The following KCNH7 variants were observed in gnomAD, a reference collection of about 807,000 sequenced individuals.
The protein encoded by KCNH7 is voltage-gated inwardly rectifying potassium channel KCNH7.
In KCNH7, 49 loss-of-function variants were observed where a neutral mutation model predicts 120.8. That is an observed-to-expected ratio of 0.41 (90% CI 0.32 to 0.51). The LOEUF (loss-of-function observed/expected upper bound fraction) is 0.51, where lower values mean the gene tolerates loss of function less well. Among genes scored for constraint, KCNH7 ranks in the 20% least tolerant of loss-of-function variants. KCNH7 has a pLI of 0.38. For missense variants in KCNH7, 1,097 were observed against 1,446.6 expected, an observed-to-expected ratio of 0.76 and a Z score of 3.92; for synonymous variants, 547 against 516.1, an observed-to-expected ratio of 1.06 and a Z score of -0.81.
rs8179659 is a variant in KCNH7 at position 162,697,189 on chromosome 2, C to T, written c.307+139348G>A. Among the ~76,000 whole-genome samples, 1,352 of 152,138 alleles carry T rather than the reference C, an allele frequency of 8.9e-3. 34 individuals are homozygous for T. The East Asian group carries it at 0.11, about 13-fold the overall frequency. ...TTATATCCCTCCTGAGAAAAGAATACACCACCACCCATAATTTTGCCAGAG... is the reference window on the plus strand; with the variant it reads ...TTATATCCCTCCTGAGAAAAGAATATACCACCACCCATAATTTTGCCAGAG... On this transcript the variant is annotated intron_variant, in intron 2 of 15. Transcript: ENST00000332142.
intron 2 of KCNH7, among the ~76,000 whole-genome samples, chr2:162,807,772 TCC>T (rs76691946): frequency 0.029 from 4,441 of 152,154 alleles, 99 homozygotes; most frequent in South Asian, 0.085. Flanking sequence ...AACCTCCGCC[TCC>T]CAGGTTCAAG....
At chr2:162,479,433 T>C (rs1193965951) in intron 6 of KCNH7, among the ~76,000 whole-genome samples, 5 of 152,188 alleles carry the variant, frequency 3.3e-5, no homozygotes, top group Admixed American at 2.6e-4. Flanking sequence ...GAACAAATGA[T>C]CAGTACCCAA....
At chr2:162,723,240 C>A (rs1189085766) in intron 2 of KCNH7, among the ~76,000 whole-genome samples, 2 of 152,016 alleles carry the variant, frequency 1.3e-5, no homozygotes, top group Non-Finnish European at 2.9e-5. Context: ...AAAAAAACCA[C>A]CTTTCCTGGT....
At chr2:162,567,501 T>G (rs1446057365) in intron 2 of KCNH7, among the ~76,000 whole-genome samples, 1 of 151,990 alleles carries the variant, frequency 6.6e-6, no homozygotes, top group Admixed American at 6.6e-5. Flanking sequence ...ATTTGCATTT[T>G]TCCCCCCACA....
chr2:162,543,442 T>C (rs2105841462), intron 2 of KCNH7, among the ~76,000 whole-genome samples: 2 of 152,238 alleles, frequency 1.3e-5, no homozygotes, highest in Middle Eastern at 6.8e-3. Flanking sequence ...TATATTTACC[T>C]GTCATTTAAA....
chr2:162,587,292 A>C (rs771510496), intron 2 of KCNH7, among the ~76,000 whole-genome samples: 1 of 152,108 alleles, frequency 6.6e-6, no homozygotes, highest in Non-Finnish European at 1.5e-5. Flanking sequence ...GGAAATTGTC[A>C]TGGGAATATT....
At chr2:162,770,181 C>T in intron 2 of KCNH7, among the ~76,000 whole-genome samples, 1 of 151,680 alleles carries the variant, frequency 6.6e-6, no homozygotes, top group East Asian at 1.9e-4. Flanking sequence ...CCACTCATCC[C>T]TTTACTTTAT....
chr2:162,734,637 T>G (rs1687838132), intron 2 of KCNH7, among the ~76,000 whole-genome samples: 1 of 152,068 alleles, frequency 6.6e-6, no homozygotes, highest in Non-Finnish European at 1.5e-5. Flanking sequence ...AAACAAAAAT[T>G]GAGTGTTTTG....
intron 2 of KCNH7, among the ~76,000 whole-genome samples, chr2:162,752,452 A>G (rs1688585211): frequency 6.6e-6 from 1 of 152,200 alleles, no homozygotes; most frequent in African/African-American, 2.4e-5. Flanking sequence ...CATAAACTTC[A>G]TATCATATTT....
chr2:162,541,597 C>A (rs1381278745), intron 2 of KCNH7, among the ~76,000 whole-genome samples: 3 of 151,996 alleles, frequency 2.0e-5, no homozygotes, highest in Non-Finnish European at 2.9e-5. Context: ...GAACAGAAAA[C>A]CAAACACTGC....
At chr2:162,441,999 CTTTTTTTTTTTTTTT>C (rs779418084) in intron 7 of KCNH7, among the ~76,000 whole-genome samples, 32 of 41,574 alleles carry the variant, frequency 7.7e-4, no homozygotes, top group Admixed American at 2.6e-3. Context: ...GTTAGGTCTT[CTTTTTTTTTTTTTTT>C]TTTTTTTTTT....
chr2:162,615,205 G>T (rs774089270), intron 2 of KCNH7, among the ~76,000 whole-genome samples: 8 of 152,054 alleles, frequency 5.3e-5, no homozygotes, highest in Non-Finnish European at 1.0e-4. Flanking sequence ...CAGTGTGCAG[G>T]GAGCCTGTAG....
intron 3 of KCNH7, 105 bp downstream of exon 3, chr2:162,536,820 A>C: frequency 8.9e-7 from 1 of 1,128,126 alleles, no homozygotes; most frequent in South Asian, 1.7e-5. Flanking sequence ...ATTTTACTTC[A>C]AATATAAAGA....
At chr2:162,625,594 ATAGAATTGGGTAAGCACAAAG>A (rs1376519925) in intron 2 of KCNH7, among the ~76,000 whole-genome samples, 1 of 152,152 alleles carries the variant, frequency 6.6e-6, no homozygotes, top group Non-Finnish European at 1.5e-5. Context: ...AGATTTAAAA[ATAGAATTGGGTAAGCACAAAG>A]AAAAATATCA....
At chr2:162,443,084 G>T (rs1327262925) in intron 7 of KCNH7, among the ~76,000 whole-genome samples, 2 of 152,098 alleles carry the variant, frequency 1.3e-5, no homozygotes, top group Non-Finnish European at 2.9e-5. Context: ...TTTAAAAAGT[G>T]TAGGTTTTAA....
chr2:162,442,374 G>A (rs756437121), intron 7 of KCNH7, among the ~76,000 whole-genome samples: 2 of 151,644 alleles, frequency 1.3e-5, no homozygotes, highest in African/African-American at 2.4e-5. Flanking sequence ...TATCCTCTTA[G>A]CATTTATTAA....
chr2:162,751,687 C>T (rs1688556343), intron 2 of KCNH7, among the ~76,000 whole-genome samples: 1 of 151,726 alleles, frequency 6.6e-6, no homozygotes, highest in Non-Finnish European at 1.5e-5. Context: ...TATATTTTCC[C>T]ATTTTAAGCT....
At chr2:162,695,508 T>C (rs546571100) in intron 2 of KCNH7, among the ~76,000 whole-genome samples, 3 of 152,262 alleles carry the variant, frequency 2.0e-5, no homozygotes, top group African/African-American at 7.2e-5. Context: ...CTGCCAGCCA[T>C]AGGCCCATGG....
At chr2:162,472,508 T>G (rs2105650623) in intron 6 of KCNH7, among the ~76,000 whole-genome samples, 1 of 152,278 alleles carries the variant, frequency 6.6e-6, no homozygotes, top group African/African-American at 2.4e-5. Context: ...TCACTGGCCA[T>G]CAGAGAAATG....
Sources: gnomAD v4.1 joint callset for allele counts (sites outside exome capture counted in the v4.1 genomes callset) on GRCh38, gnomAD v4.1.1 for gene constraint, MANE v1.5 for transcripts, NCBI Gene and HGNC (gene_info 2026-07-23, HGNC 2026-07-21) for gene names.